The following LGALS8 variants were observed in gnomAD, a reference collection of about 807,000 sequenced individuals.
LGALS8 encodes the protein galectin 8.
LGALS8 carries 30 observed loss-of-function variants against 35.9 expected under a neutral mutation model. The observed-to-expected ratio is 0.83, with a 90% CI of 0.62 to 1.13. The LOEUF is 1.13. Ranked by LOEUF, LGALS8 falls within the 50% of genes most tolerant of loss-of-function variation. The probability of loss-of-function intolerance (pLI) is 0.00; values close to 1 mark genes in which losing one functional copy is unlikely to be tolerated. For missense variants in LGALS8, 366 were observed against 388.7 expected (o/e 0.94, Z 0.49); for synonymous variants, 138 against 136.1 (o/e 1.01, Z -0.10).
intron 1 of LGALS8, chr1:236,524,510 C>A: frequency 2.3e-6 from 1 of 442,338 alleles, no homozygotes; most frequent in Non-Finnish European, 4.6e-6. Context: ...GCGTTCCCTG[C>A]CTCTAACACG....
chr1:236,541,498 G>A, intron 5 of LGALS8, 156 bp from the exon 6 acceptor site: 1 of 507,990 alleles, frequency 2.0e-6, no homozygotes, highest in East Asian at 3.6e-5. Flanking sequence ...AATCTGATGG[G>A]GGGCGGAAAG....
chr1:236,535,336 G>T (rs1891242), intron 2 of LGALS8, among the ~76,000 whole-genome samples: 92,673 of 151,454 alleles, frequency 0.61, 29,226 homozygotes, highest in Non-Finnish European at 0.69. Context: ...GTATGTAGTA[G>T]GTATATCTAT....
intron 2 of LGALS8, among the ~76,000 whole-genome samples, chr1:236,534,291 C>T (rs1345378663): frequency 6.6e-6 from 1 of 152,130 alleles, no homozygotes; most frequent in African/African-American, 2.4e-5. Flanking sequence ...GGGTGTCTGA[C>T]TCTTAGGCTT....
At position 236,544,879 on chromosome 1, in the gene LGALS8, T is replaced by A. The variant is rs754682456; in HGVS notation, c.768T>A (p.Ile256=). The A allele has an allele frequency of 6.2e-7, 1 of 1,613,418 alleles. No individual in the cohort carries two copies. Among genetic ancestry groups the A allele is most frequent in the South Asian group, 1.1e-5 (1 of 90,830 alleles). The change falls in exon 9 of 10, where the codon ATT becomes ATA. Residue 256 remains isoleucine (I), a synonymous_variant. Transcript: ENST00000366584. ...QESWGEEERN[I]TSFPFSPGMY... ...CCTGGGGAGAAGAAGAGAGAAATAT[T>A]ACCTCTTTCCCATTTAGTCCTGGGA... is the stretch of plus-strand genomic sequence containing the variant.
chr1:236,544,722 GTT>G lies in LGALS8; in HGVS notation c.639-18_639-17del, dbSNP rs5781896. On this transcript the variant is annotated intron_variant, in intron 8 of 9. Transcript: ENST00000366584. The stretch of plus-strand genomic sequence containing the variant: ...ACTCTGTCCTACTTGGTTAATTAAG[GTT>G]TTTTTTTTTCTTTCTTTCTCAAAAG... 1,872 of 1,346,916 alleles carry G rather than the reference GTT, an allele frequency of 1.4e-3. 15 individuals carry two copies. The African/African-American group carries it at 0.022, about 16-fold the overall frequency. 83.4% of individuals were successfully genotyped at this position (1,346,916 alleles called of 1,614,324 possible). A position where few individuals can be genotyped will look rare whatever the true frequency, so the allele number is the denominator to read the frequency against.
intron 2 of LGALS8, among the ~76,000 whole-genome samples, chr1:236,537,021 C>CTTTTT (rs60024224): frequency 8.7e-5 from 12 of 137,884 alleles, no homozygotes; most frequent in African/African-American, 2.9e-4. Context: ...TATGCAGTTC[C>CTTTTT]TTTTTTTTTT....
At chr1:236,524,140 G>A in intron 1 of LGALS8, 79 bp downstream of exon 1, 1 of 456,676 alleles carries the variant, frequency 2.2e-6, no homozygotes, top group Non-Finnish European at 4.4e-6. Context: ...CGCCAGTGGA[G>A]GATGGCATTC....
intron 2 of LGALS8, among the ~76,000 whole-genome samples, chr1:236,532,853 C>T (rs200273041): frequency 3.4e-5 from 2 of 58,696 alleles, no homozygotes; most frequent in Non-Finnish European, 3.1e-5. Flanking sequence ...TCAAGAAAAA[C>T]AAAAAACAAA....
In LGALS8 at chr1:236,542,952, C is replaced by G. The variant is rs1222422236; in HGVS notation, c.549+165C>G. ...GGAGGAGACATTTCTAAAATCGCACCCAGAACTGTCTACACCAAGAGCAAA... is the reference window on the plus strand; with the variant it reads ...GGAGGAGACATTTCTAAAATCGCACGCAGAACTGTCTACACCAAGAGCAAA... On this transcript the variant is annotated intron_variant, in intron 7 of 9. Coordinates refer to ENST00000366584, the MANE Select transcript of LGALS8 (RefSeq NM_201544.4). 3.7e-6 allele frequency: 6 copies of G among 1,614,026 alleles called. No individual in the cohort carries two copies. In the Admixed American group the frequency reaches 8.3e-5, roughly 22 times the overall value.
intron 1 of LGALS8, 134 bp from the exon 2 acceptor site, chr1:236,525,834 G>C (rs1660785952): frequency 2.8e-6 from 1 of 357,506 alleles, no homozygotes; most frequent in Admixed American, 4.2e-5. Flanking sequence ...ATGGGAGGCA[G>C]ATCGTTGATT....
chr1:236,535,152 A>T (rs1661401109), intron 2 of LGALS8, among the ~76,000 whole-genome samples: 1 of 151,982 alleles, frequency 6.6e-6, no homozygotes, highest in South Asian at 2.1e-4. Flanking sequence ...TATAATTAAA[A>T]ATATTTTTCT....
intron 2 of LGALS8, chr1:236,536,378 T>A (rs1265453579): frequency 6.6e-6 from 1 of 152,088 alleles, no homozygotes. Flanking sequence ...CCCCAGCCAG[T>A]GGACTGGGAA....
At chr1:236,544,032 C>A (rs1662204254) in intron 8 of LGALS8, among the ~76,000 whole-genome samples, 1 of 152,044 alleles carries the variant, frequency 6.6e-6, no homozygotes, top group Non-Finnish European at 1.5e-5. Flanking sequence ...ACAACCTCCG[C>A]TTCCTGGGTG....
intron 2 of LGALS8, among the ~76,000 whole-genome samples, chr1:236,530,148 CAG>C (rs1661067525): frequency 6.6e-6 from 1 of 152,176 alleles, no homozygotes; most frequent in Non-Finnish European, 1.5e-5. Context: ...AGAAATGAAA[CAG>C]AATTGGTTGT....
At position 236,539,107 on chromosome 1, in the gene LGALS8, A is replaced by G; in HGVS notation, c.345+18A>G. ...AATTCCAGGTAGGTTTTGGAGAGGG[A>G]CAGGTTGAGTCCTCATTAGTGAGCA... On this transcript the variant is annotated intron_variant, in intron 4 of 9. Coordinates refer to ENST00000366584, the MANE Select transcript of LGALS8 (RefSeq NM_201544.4). 6.2e-7 allele frequency: 1 copy of G among 1,600,450 alleles called. No homozygotes were observed. Among genetic ancestry groups the G allele is most frequent in the Non-Finnish European group, 8.6e-7 (1 of 1,168,352 alleles).
upstream of LGALS8, among the ~76,000 whole-genome samples, chr1:236,520,066 C>T (rs1447017253): frequency 6.7e-6 from 1 of 148,832 alleles, no homozygotes; most frequent in African/African-American, 2.5e-5. Context: ...AAGCGATTCT[C>T]ATGCCTCAGC....
intron 7 of LGALS8, 62 bp from the exon 8 acceptor site, chr1:236,543,498 C>A (rs199855679): frequency 9.2e-6 from 11 of 1,192,112 alleles, no homozygotes; most frequent in Non-Finnish European, 1.4e-5. Flanking sequence ...TCTTTGGACA[C>A]GAGTTTTCCC....
At chr1:236,542,123 CACAG>C (rs947047095) in intron 6 of LGALS8, among the ~76,000 whole-genome samples, 3 of 152,170 alleles carry the variant, frequency 2.0e-5, no homozygotes, top group Non-Finnish European at 4.4e-5. Context: ...GTTCACACCT[CACAG>C]ACAGAACAGA....
upstream of LGALS8, among the ~76,000 whole-genome samples, chr1:236,522,221 C>A (rs193139991): frequency 1.3e-5 from 2 of 152,180 alleles, no homozygotes; most frequent in Admixed American, 1.3e-4. Context: ...TTTCACTCAG[C>A]CCCGTTTGCA....
Sources: allele counts gnomAD v4.1 joint callset (sites outside exome capture counted in the v4.1 genomes callset), GRCh38; gene constraint gnomAD v4.1.1; transcripts MANE v1.5; gene names NCBI Gene and HGNC (gene_info 2026-07-23, HGNC 2026-07-21).